DOCK5: variants seen among roughly 807,000 people sequenced by gnomAD.
The protein encoded by DOCK5 is dedicator of cytokinesis protein 5.
In DOCK5, 142 loss-of-function variants were observed where a neutral mutation model predicts 251.8. That is an observed-to-expected ratio of 0.56 (90% CI 0.49 to 0.65). The LOEUF (loss-of-function observed/expected upper bound fraction) is 0.65. Among genes scored for constraint, DOCK5 ranks in the 30% least tolerant of loss-of-function variants. The pLI is 0.00. For synonymous variants in DOCK5, 842 were observed against 835.5 expected (o/e 1.01, Z -0.13); for missense variants, 2,111 against 2,312.3 (o/e 0.91, Z 1.79).
chr8:25,275,266 T>C, intron 3 of DOCK5, 120 bp from the exon 4 acceptor site: 1 of 713,646 alleles, frequency 1.4e-6, no homozygotes, highest in Non-Finnish European at 2.3e-6. Flanking sequence ...CAACCTGATC[T>C]CAGGAGTTTA....
chr8:25,250,430 C>T (rs1272824657), intron 2 of DOCK5, among the ~76,000 whole-genome samples: 1 of 152,200 alleles, frequency 6.6e-6, no homozygotes, highest in Non-Finnish European at 1.5e-5. Context: ...TGCCCACAGT[C>T]ATTTTTGTGT....
rs945119898 is a variant in DOCK5, at chr8:25,413,659, C to G, written c.*2361C>G. 2 of 152,198 alleles carry G rather than the reference C, an allele frequency of 1.3e-5. No individual in the cohort carries two copies. Among genetic ancestry groups the G allele is most frequent in the Admixed American group, 6.5e-5 (1 of 15,274 alleles). 9.4% of individuals were successfully genotyped at this position (152,198 alleles called of 1,614,324 possible). On this transcript the variant is annotated 3_prime_UTR_variant, in exon 52 of 52. Transcript: ENST00000276440. ...AGAGCAGTAGAAATGAGTCCCACAGCCTGGTCTTTGAGCAGAGGCTGGGAA... is the reference window on the plus strand; with the variant it reads ...AGAGCAGTAGAAATGAGTCCCACAGGCTGGTCTTTGAGCAGAGGCTGGGAA...
chr8:25,382,620 C>G (rs1363196991), intron 39 of DOCK5, 54 bp from the exon 40 acceptor site: 1 of 1,371,870 alleles, frequency 7.3e-7, no homozygotes, highest in Non-Finnish European at 1.0e-6. Context: ...CTTTTTTTTT[C>G]CCCCAACTGT....
At chr8:25,262,395 G>C (rs774957895) in intron 2 of DOCK5, among the ~76,000 whole-genome samples, 1 of 151,966 alleles carries the variant, frequency 6.6e-6, no homozygotes, top group Admixed American at 6.6e-5. Context: ...GAACCATTCC[G>C]TCAGCCCCCA....
chr8:25,323,609 T>C (rs966718318), intron 16 of DOCK5, among the ~76,000 whole-genome samples: 3 of 152,076 alleles, frequency 2.0e-5, no homozygotes, highest in South Asian at 2.1e-4. Flanking sequence ...CATTTCTGAT[T>C]TGGATGACTG....
At chr8:25,299,290 C>G (rs1009270319) in intron 8 of DOCK5, 189 bp downstream of exon 8, 3 of 578,086 alleles carry the variant, frequency 5.2e-6, no homozygotes, top group Admixed American at 3.6e-5. Context: ...AACAATGAGG[C>G]CAGTTTGTAT....
At chr8:25,407,680 T>C (rs1222712272) in intron 48 of DOCK5, among the ~76,000 whole-genome samples, 2 of 151,900 alleles carry the variant, frequency 1.3e-5, no homozygotes, top group African/African-American at 4.8e-5. Flanking sequence ...TGAGACAGCC[T>C]GGGCAACAGT....
chr8:25,211,678 C>A (rs1802122902), intron 1 of DOCK5, among the ~76,000 whole-genome samples: 1 of 68,664 alleles, frequency 1.5e-5, no homozygotes, highest in African/African-American at 3.3e-5. Context: ...TGCAGTGGTG[C>A]ATACCTGTAG....
chr8:25,389,029 A>C lies in DOCK5; in HGVS notation c.4132-62A>C. The C allele has an allele frequency of 1.9e-6, 3 of 1,546,534 alleles. No homozygotes were observed. The Admixed American group carries it at 5.3e-5, about 27-fold the overall frequency. ...GTGCAGTGGCTACCTCAGTACCCGG[A>C]ACTCCAGTTGCCTCTCCACTCTTCC... On this transcript the variant is annotated intron_variant, in intron 40 of 51. Transcript: ENST00000276440.
chr8:25,388,208 T>C (rs1045667043), intron 40 of DOCK5, among the ~76,000 whole-genome samples: 7 of 152,212 alleles, frequency 4.6e-5, no homozygotes, highest in Admixed American at 2.6e-4. Flanking sequence ...ACCATTGTAT[T>C]CCTGTTGTCC....
At chr8:25,386,991 A>G (rs1462149681) in intron 40 of DOCK5, among the ~76,000 whole-genome samples, 1 of 152,224 alleles carries the variant, frequency 6.6e-6, no homozygotes, top group Admixed American at 6.5e-5. Flanking sequence ...ATGTTAACAT[A>G]CCTCAAAGGC....
chr8:25,283,265 C>T (rs1391131096), intron 5 of DOCK5, among the ~76,000 whole-genome samples: 1 of 152,088 alleles, frequency 6.6e-6, no homozygotes, highest in Non-Finnish European at 1.5e-5. Context: ...GGATTATCTT[C>T]CCCAGTGGGT....
chr8:25,286,889 C>T (rs147406107), intron 5 of DOCK5, among the ~76,000 whole-genome samples: 3 of 152,204 alleles, frequency 2.0e-5, no homozygotes, highest in East Asian at 3.9e-4. Context: ...GTCTTTAGCC[C>T]ATGCAGGTCT....
chr8:25,351,915 A>G (rs979007331), intron 27 of DOCK5, 89 bp downstream of exon 27: 205 of 910,232 alleles, frequency 2.3e-4, no homozygotes, highest in Non-Finnish European at 3.2e-4. Flanking sequence ...GTGGCTTGAG[A>G]CTATTCTTCA....
intron 24 of DOCK5, 34 bp from the exon 25 acceptor site, chr8:25,342,367 G>A (rs1353312002): frequency 3.9e-6 from 6 of 1,521,996 alleles, no homozygotes; most frequent in African/African-American, 2.7e-5. Context: ...TTGGCAGAAC[G>A]AAGACACTAC....
In DOCK5 at chr8:25,308,805, C is replaced by T. The variant is rs376187554; in HGVS notation, c.1072C>T (p.Arg358Cys). The T allele has an allele frequency of 2.0e-5, 32 of 1,613,766 alleles. No individual in the cohort carries two copies. Among genetic ancestry groups the T allele is most frequent in the African/African-American group, 2.7e-5 (2 of 74,922 alleles). ...AAGAATTGCGATGGAAACCTACATC[C>T]GCCAGAGGCAGCTCATCATGTCGCC... is the stretch of plus-strand genomic sequence containing the variant. ...FQQIAMETYIRQRQLIMSPLI... is the reference protein window; with the variant it reads ...FQQIAMETYICQRQLIMSPLI... Residue 358 changes from arginine (R) to cysteine (C), a missense_variant, in exon 12 of 52, where the codon CGC becomes TGC. This residue lies in a region of DOCK5 where 1,717 missense variants were observed against 1,892.4 expected (regional missense o/e 0.91). Transcript: ENST00000276440.
At chr8:25,380,171 C>T (rs551835037) in intron 38 of DOCK5, 134 bp from the exon 39 acceptor site, 32 of 703,722 alleles carry the variant, frequency 4.5e-5, no homozygotes, top group African/African-American at 2.7e-4. Flanking sequence ...AGGGATAAAG[C>T]GAGTGAGGAA....
intron 1 of DOCK5, among the ~76,000 whole-genome samples, chr8:25,212,892 CCT>C (rs1400721376): frequency 1.5e-5 from 1 of 68,370 alleles, no homozygotes; most frequent in Non-Finnish European, 4.7e-5. Context: ...TTAATTGACC[CCT>C]GAGTTTTGAC....
chr8:25,301,719 C>G lies in DOCK5; in HGVS notation c.847-606C>G, dbSNP rs1413381351. Among the ~76,000 whole-genome samples, 39 of 149,962 alleles carry G rather than the reference C, an allele frequency of 2.6e-4. 1 individual carries two copies. The highest frequency in any genetic ancestry group is 2.0e-4 in the East Asian group (1 of 5,106). ...GACCTTGTCAAAAAAAAAAAAAATA[C>G]AAACAAGTGTAGAACCCTAGCTGCA... On this transcript the variant is annotated intron_variant, in intron 9 of 51. Transcript: ENST00000276440.
Sources: allele counts gnomAD v4.1 joint callset (sites outside exome capture counted in the v4.1 genomes callset), GRCh38; gene constraint gnomAD v4.1.1; regional missense constraint gnomAD v4.1.1; transcripts MANE v1.5; gene names NCBI Gene and HGNC (gene_info 2026-07-23, HGNC 2026-07-21).